RIPOR3: variants seen among roughly 807,000 people sequenced by gnomAD.
RIPOR3 encodes the protein RIPOR family member 3, also known as family with sequence similarity 65 member C.
RIPOR3 carries 95 observed loss-of-function variants against 114.3 expected under a neutral mutation model. The ratio of observed to expected loss-of-function variants is 0.83; its 90% CI spans 0.70 to 0.99. RIPOR3 has a LOEUF of 0.99. Ranked by LOEUF, RIPOR3 falls within the 50% of genes least tolerant of loss-of-function variation. The probability of loss-of-function intolerance (pLI) is 0.00; values close to 1 mark genes in which losing one functional copy is unlikely to be tolerated. For missense variants in RIPOR3, 1,252 were observed against 1,266.9 expected (o/e 0.99, Z 0.18); for synonymous variants, 575 against 543.8 (o/e 1.06, Z -0.80).
chr20:50,642,587 C>A (rs1452907921), intron 1 of RIPOR3, among the ~76,000 whole-genome samples: 1 of 150,222 alleles, frequency 6.7e-6, no homozygotes, highest in Non-Finnish European at 1.5e-5. Context: ...GGTATGTCTC[C>A]ATCTCCCCCC....
intron 1 of RIPOR3, among the ~76,000 whole-genome samples, chr20:50,645,306 A>C (rs2085362093): frequency 6.6e-6 from 1 of 152,196 alleles, no homozygotes; most frequent in Admixed American, 6.5e-5. Flanking sequence ...CCTATCCCTC[A>C]AAAATAAATC....
intron 3 of RIPOR3, among the ~76,000 whole-genome samples, chr20:50,619,252 A>G (rs150648641): frequency 0.011 from 1,656 of 151,928 alleles, 16 homozygotes; most frequent in Non-Finnish European, 0.016. Context: ...AGCCTGGGCA[A>G]CAAGAGCAAA....
chr20:50,611,300 A>C lies in RIPOR3; in HGVS notation c.349-96T>G, dbSNP rs537636417. On this transcript the variant is annotated intron_variant, in intron 4 of 21. Coordinates refer to ENST00000327979, the MANE Select transcript of RIPOR3 (RefSeq NM_001290268.2). Reference sequence around the variant, plus strand: ...CTATGCTGGCGGCGCCTGAGCTCAGAGTCAGAGGACAGAAAGCCATGTCTA... The same window carrying C: ...CTATGCTGGCGGCGCCTGAGCTCAGCGTCAGAGGACAGAAAGCCATGTCTA... 6.8e-5 allele frequency: 105 copies of C among 1,539,492 alleles called. No individual in the cohort carries two copies. In the East Asian group the frequency reaches 1.8e-3, roughly 26 times the overall value.
chr20:50,609,595 C>T lies in RIPOR3; in HGVS notation c.554G>A (p.Arg185His), dbSNP rs758268776. 53 of 1,415,556 alleles carry T rather than the reference C, an allele frequency of 3.7e-5. No homozygotes were observed. In the East Asian group the frequency reaches 5.6e-4, roughly 15 times the overall value. 87.7% of individuals were successfully genotyped at this position (1,415,556 alleles called of 1,614,324 possible). Residue 185 changes from arginine to histidine, a missense_variant, in exon 7 of 22, where the codon CGC becomes CAC. By Grantham distance (29) the Arg-to-His change is conservative. Transcript: ENST00000327979. ...AARESLQELG[R>H]SLHECAEDMW... ...CACCTCGGCGCACTCGTGCAGGCTGCGGCCCAGCTCCTGCAGGCTCTCTCG... is the reference window on the plus strand; with the variant it reads ...CACCTCGGCGCACTCGTGCAGGCTGTGGCCCAGCTCCTGCAGGCTCTCTCG...
At chr20:50,630,918 C>A in intron 1 of RIPOR3, 62 bp from the exon 2 acceptor site, 1 of 1,335,866 alleles carries the variant, frequency 7.5e-7, no homozygotes, top group Non-Finnish European at 1.0e-6. Flanking sequence ...CGTCCGCAGG[C>A]CAGCCACCTT....
chr20:50,630,161 C>T (rs933538198), intron 2 of RIPOR3, among the ~76,000 whole-genome samples: 7 of 152,126 alleles, frequency 4.6e-5, no homozygotes, highest in Non-Finnish European at 2.9e-5. Context: ...AGAGACAGGG[C>T]TTCACCGTGT....
In RIPOR3 at chr20:50,602,317, C is replaced by G; in HGVS notation, c.1414G>C (p.Gly472Arg). 6.2e-7 allele frequency: 1 copy of G among 1,613,950 alleles called. No individual in the cohort carries two copies. Among genetic ancestry groups the G allele is most frequent in the East Asian group, 2.2e-5 (1 of 44,882 alleles). Residue 472 changes from glycine to arginine, a missense_variant, in exon 13 of 22, where the codon GGC (glycine) becomes CGC (arginine). Gly to Arg is a moderately radical substitution (Grantham distance 125). Coordinates refer to ENST00000327979, the MANE Select transcript of RIPOR3 (RefSeq NM_001290268.2). This position sits in a 1 kb window ranked among gnomAD's most constrained non-coding sequence, Gnocchi z 4.3. ...LSGGPFAEQP[G>R]WRNLGGESPS... ...CTCTCCCCTCCTAAGTTCCTCCAGC[C>G]AGGCTGCTCTGCAAACGGGCCTCCA...
intron 1 of RIPOR3, among the ~76,000 whole-genome samples, chr20:50,657,159 G>A (rs2085838681): frequency 6.6e-6 from 1 of 152,184 alleles, no homozygotes; most frequent in Admixed American, 6.5e-5. Flanking sequence ...GGCCAAGGTG[G>A]GAGGATCACT....
At chr20:50,644,034 T>A (rs1182577019) in intron 1 of RIPOR3, among the ~76,000 whole-genome samples, 1 of 151,444 alleles carries the variant, frequency 6.6e-6, no homozygotes, top group Non-Finnish European at 1.5e-5. Flanking sequence ...GCAGGAGGAT[T>A]TCTTGAGCCC....
chr20:50,655,677 G>C (rs2085785183), intron 1 of RIPOR3, among the ~76,000 whole-genome samples: 1 of 149,272 alleles, frequency 6.7e-6, no homozygotes, highest in Non-Finnish European at 1.5e-5. Context: ...GGCTGTGTGT[G>C]TGTGTGTGTG....
At chr20:50,611,069 G>A in intron 5 of RIPOR3, 112 bp downstream of exon 5, 1 of 1,569,082 alleles carries the variant, frequency 6.4e-7, no homozygotes. Flanking sequence ...TTCCTAAAAT[G>A]GGGAGGAGAC....
At chr20:50,656,711 G>T (rs184262195) in intron 1 of RIPOR3, among the ~76,000 whole-genome samples, 1 of 152,054 alleles carries the variant, frequency 6.6e-6, no homozygotes, top group African/African-American at 2.4e-5. Context: ...TGTTGGTCAG[G>T]CTGGTCTCGA....
chr20:50,677,433 G>A (rs1433805715), intron 1 of RIPOR3, among the ~76,000 whole-genome samples: 5 of 142,804 alleles, frequency 3.5e-5, no homozygotes, highest in African/African-American at 5.2e-5. Context: ...GTGCAGTGGC[G>A]CAATCTCGGC....
In RIPOR3 at chr20:50,619,987, T is replaced by C; in HGVS notation, c.268A>G (p.Lys90Glu). 6.2e-7 allele frequency: 1 copy of C among 1,611,608 alleles called. No individual in the cohort carries two copies. The highest frequency in any genetic ancestry group is 8.5e-7 in the Non-Finnish European group (1 of 1,177,908). The change falls in exon 3 of 22, where the codon AAG becomes GAG. Residue 90 changes from lysine to glutamate, a missense_variant and splice_region_variant. Physicochemically the swap from Lys to Glu is moderately conservative, Grantham distance 56 (BLOSUM62 1). Coordinates refer to ENST00000327979, the MANE Select transcript of RIPOR3 (RefSeq NM_001290268.2). ...KIFEALKRGL[K>E]EYLCVQQAEL... ...AGGCAGCACACAGCCCAGCCTTACT[T>C]GAGGCCTCTTTTCAATGCTTCGAAG...
At chr20:50,638,510 C>T (rs1024024985) in intron 1 of RIPOR3, among the ~76,000 whole-genome samples, 3 of 152,168 alleles carry the variant, frequency 2.0e-5, no homozygotes, top group Non-Finnish European at 2.9e-5. Context: ...ATCACTGCCT[C>T]GTCACCACTC....
At chr20:50,646,148 G>A (rs1297200607) in intron 1 of RIPOR3, among the ~76,000 whole-genome samples, 1 of 151,594 alleles carries the variant, frequency 6.6e-6, no homozygotes, top group African/African-American at 2.4e-5. Flanking sequence ...TTTATTTATA[G>A]ACAGGTTCTC....
At chr20:50,600,954 G>A (rs975018240) in intron 13 of RIPOR3, among the ~76,000 whole-genome samples, 3 of 152,122 alleles carry the variant, frequency 2.0e-5, no homozygotes, top group East Asian at 1.9e-4. Flanking sequence ...TGTGGTTGGC[G>A]ATAAAATGTG....
chr20:50,624,943 A>G (rs1412295648), intron 2 of RIPOR3, among the ~76,000 whole-genome samples: 1 of 152,188 alleles, frequency 6.6e-6, no homozygotes, highest in Non-Finnish European at 1.5e-5. Context: ...GCTTCAGGTG[A>G]AGACTCCATG....
At chr20:50,667,370 T>C (rs1338305343) in intron 1 of RIPOR3, among the ~76,000 whole-genome samples, 1 of 142,264 alleles carries the variant, frequency 7.0e-6, no homozygotes, top group African/African-American at 2.6e-5. Context: ...CTTGGCTCAC[T>C]GCAACCTCCA....
Sources: gnomAD v4.1 joint callset for allele counts (sites outside exome capture counted in the v4.1 genomes callset) on GRCh38, gnomAD v4.1.1 for gene constraint, Gnocchi (gnomAD v3.1) non-coding constraint, MANE v1.5 for transcripts, NCBI Gene and HGNC (gene_info 2026-07-23, HGNC 2026-07-21) for gene names.